Variants in TUBA1A observed in about 807,000 individuals in gnomAD.
The protein encoded by TUBA1A is tubulin alpha-1A chain.
A neutral mutation model predicts 34.6 loss-of-function variants in TUBA1A; 7 were observed. The ratio of observed to expected loss-of-function variants is 0.20; its 90% CI spans 0.11 to 0.38. The LOEUF (loss-of-function observed/expected upper bound fraction) is 0.38. Among genes scored for constraint, TUBA1A ranks in the 10% least tolerant of loss-of-function variants. The pLI is 1.00. For missense variants in TUBA1A, 19 were observed against 581.3 expected, an observed-to-expected ratio of 0.03 and a Z score of 9.95; for synonymous variants, 193 against 210.2, an observed-to-expected ratio of 0.92 and a Z score of 0.71.
rs1322530615 is a variant in TUBA1A, at chr12:49,185,607, T to C, written c.759A>G (p.Thr253=). 2 of 1,614,100 alleles carry C rather than the reference T, an allele frequency of 1.2e-6. No individual in the cohort carries two copies. The highest frequency in any genetic ancestry group is 1.1e-5 in the South Asian group (1 of 91,082). ...AGGGCACCAGGTTGGTCTGGAATTC[T>C]GTCAGGTCAACATTCAGGGCTCCAT... ...RFDGALNVDL[T]EFQTNLVPYP... Residue 253 remains threonine (T), a synonymous_variant, in exon 4 of 4, where the codon ACA becomes ACG. Transcript: ENST00000301071.
rs1046197606 is a variant in TUBA1A at position 49,188,008 on chromosome 12, C to CCAGA, written c.3+965_3+968dup. The CCAGA allele has an allele frequency of 1.8e-5, 17 of 970,878 alleles. No individual in the cohort carries two copies. Among genetic ancestry groups the CCAGA allele is most frequent in the Admixed American group, 1.3e-4 (2 of 15,152 alleles). 60.1% of individuals were successfully genotyped at this position (970,878 alleles called of 1,614,324 possible). Reference sequence around the variant, plus strand: ...CTTTCTCCCTCGCTGAACGTGCAGTCCAGACAGACAGACAGACACACACAC... The same window carrying CCAGA: ...CTTTCTCCCTCGCTGAACGTGCAGTCCAGACAGACAGACAGACAGACACACACAC... On this transcript the variant is annotated intron_variant, in intron 1 of 3. Transcript: ENST00000301071. This position sits in a 1 kb window ranked among gnomAD's most constrained non-coding sequence, Gnocchi z 4.9.
chr12:49,187,292 C>T, intron 1 of TUBA1A: 1 of 1,074,958 alleles, frequency 9.3e-7, no homozygotes, highest in Non-Finnish European at 1.1e-6. Flanking sequence ...CCACACCCTT[C>T]TGCAGTCTGT....
Position 49,186,969 on chromosome 12 carries a change from AC to A in TUBA1A, c.4-137del, listed in dbSNP as rs34741313. ...TTTGAGGTCATATCCCCAGCACGAT[AC>A]AAAGATTAAGGAAAATCACCTGCTA... On this transcript the variant is annotated intron_variant, in intron 1 of 3. Coordinates refer to ENST00000301071, the MANE Select transcript of TUBA1A (RefSeq NM_006009.4). The surrounding 1 kb of genome is among the most constrained non-coding windows in gnomAD (Gnocchi z 6.6). 520,654 of 1,507,290 alleles carry A rather than the reference AC, an allele frequency of 0.35. 95,019 individuals are homozygous for A. Among genetic ancestry groups the A allele is most frequent in the East Asian group, 0.71 (28,986 of 40,666 alleles). 93.4% of individuals were successfully genotyped at this position (1,507,290 alleles called of 1,614,324 possible).
In TUBA1A at chr12:49,188,803, C is replaced by T. The variant is rs1464685773; in HGVS notation, c.3+174G>A. On this transcript the variant is annotated intron_variant, in intron 1 of 3. Transcript: ENST00000301071. This position sits in a 1 kb window ranked among gnomAD's most constrained non-coding sequence, Gnocchi z 4.9. ...GCAGTACTGGCCCGGTTCCTGCACC[C>T]GCACTGCGGCGGCGGCGGGGCTTGA... 6.3e-7 allele frequency: 1 copy of T among 1,594,200 alleles called. No homozygotes were observed. Among genetic ancestry groups the T allele is most frequent in the African/African-American group, 1.3e-5 (1 of 74,652 alleles).
chr12:49,189,000 C>A lies in TUBA1A; in HGVS notation c.-21G>T, dbSNP rs777015483. The stretch of plus-strand genomic sequence containing the variant: ...ACCATGGTTGCTGCTTCGCGACTGC[C>A]GAGCTGATGGCGGAGACGAAGAGGA... On this transcript the variant is annotated 5_prime_UTR_variant, in exon 1 of 4. Coordinates refer to ENST00000301071, the MANE Select transcript of TUBA1A (RefSeq NM_006009.4). The surrounding 1 kb of genome is among the most constrained non-coding windows in gnomAD (Gnocchi z 4.9). The A allele has an allele frequency of 1.2e-6, 2 of 1,614,222 alleles. No individual in the cohort carries two copies. Among genetic ancestry groups the A allele is most frequent in the Non-Finnish European group, 1.7e-6 (2 of 1,180,028 alleles).
In TUBA1A at chr12:49,185,343, G is replaced by A. The variant is rs1183553922; in HGVS notation, c.1023C>T (p.Ile341=). The part of the protein sequence containing the change: ...AIATIKTKRT[I]QFVDWCPTGF... ...CAGTGGGGCACCAATCCACAAACTG[G>A]ATGGTACGCTTGGTCTTGATGGTGG... The change falls in exon 4 of 4, where the codon ATC becomes ATT. Residue 341 remains isoleucine (I), a synonymous_variant. Coordinates refer to ENST00000301071, the MANE Select transcript of TUBA1A (RefSeq NM_006009.4). 2 of 1,614,108 alleles carry A rather than the reference G, an allele frequency of 1.2e-6. No individual in the cohort carries two copies. Among genetic ancestry groups the A allele is most frequent in the African/African-American group, 2.7e-5 (2 of 74,928 alleles).
rs779777418 is a variant in TUBA1A, at chr12:49,188,543, C to T, written c.3+434G>A. On this transcript the variant is annotated intron_variant, in intron 1 of 3. Coordinates refer to ENST00000301071, the MANE Select transcript of TUBA1A (RefSeq NM_006009.4). The surrounding 1 kb of genome is among the most constrained non-coding windows in gnomAD (Gnocchi z 4.9). ...CCCACGTCCCCCAGCTCGCCCAACG[C>T]CCCCGCTCTTTTTGGGTGCCTCCTC... The T allele has an allele frequency of 6.7e-7, 1 of 1,500,770 alleles. No homozygotes were observed. The highest frequency in any genetic ancestry group is 8.9e-7 in the Non-Finnish European group (1 of 1,125,874). The allele number at this position is 1,500,770 out of a possible 1,614,324, so 93.0% of individuals were successfully genotyped here.
At position 49,184,813 on chromosome 12, in the gene TUBA1A, T is replaced by C. The variant is rs906064492; in HGVS notation, c.*197A>G. 4.8e-6 allele frequency: 4 copies of C among 828,788 alleles called. No individual in the cohort carries two copies. The highest frequency in any genetic ancestry group is 7.6e-6 in the Non-Finnish European group (4 of 525,208). 51.3% of individuals were successfully genotyped at this position (828,788 alleles called of 1,614,324 possible). On this transcript the variant is annotated 3_prime_UTR_variant, in exon 4 of 4. Transcript: ENST00000301071. ...GACTGAATTCATTTAAGACAGGGAA[T>C]ACTTTATTCAAAACCCATCACAGAA... is the stretch of plus-strand genomic sequence containing the variant.
rs898270861 is a variant in TUBA1A at position 49,187,798 on chromosome 12, T to G, written c.4-965A>C. On this transcript the variant is annotated intron_variant, in intron 1 of 3. Coordinates refer to ENST00000301071, the MANE Select transcript of TUBA1A (RefSeq NM_006009.4). ...ACAAAATAGTATTTTCATCCTGAGA[T>G]TCTCTACCCATCACATAATATTCAT... 22 of 984,480 alleles carry G rather than the reference T, an allele frequency of 2.2e-5. No individual in the cohort carries two copies. In the African/African-American group the frequency reaches 3.3e-4, roughly 15 times the overall value. The allele number at this position is 984,480 out of a possible 1,614,324, so 61.0% of individuals were successfully genotyped here.
chr12:49,189,046 C>T lies in TUBA1A; in HGVS notation c.-67G>A. ...GAGGAGAGGTTGTTGCTTCTTACAG[C>T]GCGACTCTTAGGCGGTCGATGTAAG... is the stretch of plus-strand genomic sequence containing the variant. On this transcript the variant is annotated 5_prime_UTR_variant, in exon 1 of 4. Transcript: ENST00000301071. 6.2e-7 allele frequency: 1 copy of T among 1,607,820 alleles called. No individual in the cohort carries two copies.
intron 1 of TUBA1A, chr12:49,187,117 A>G: frequency 1.5e-6 from 2 of 1,307,132 alleles, no homozygotes; most frequent in Non-Finnish European, 1.9e-6. Flanking sequence ...TTTAAAAAGT[A>G]TTCAGTATTC....
At position 49,186,011 on chromosome 12, in the gene TUBA1A, A is replaced by G. The variant is rs1209376464; in HGVS notation, c.376-21T>C. On this transcript the variant is annotated intron_variant, in intron 3 of 3. Transcript: ENST00000301071. The surrounding 1 kb of genome is among the most constrained non-coding windows in gnomAD (Gnocchi z 6.6). The stretch of plus-strand genomic sequence containing the variant: ...TCGGCCTATAACAAAAGAGAGGAAC[A>G]GAGGAAAGGTTAAGTTTTTATTCTT... The G allele has an allele frequency of 6.2e-7, 1 of 1,614,126 alleles. No homozygotes were observed. The highest frequency in any genetic ancestry group is 1.1e-5 in the South Asian group (1 of 91,072).
rs1942215120 is a variant in TUBA1A, at chr12:49,188,719, T to C, written c.3+258A>G. 6.9e-7 allele frequency: 1 copy of C among 1,446,072 alleles called. No individual in the cohort carries two copies. Among genetic ancestry groups the C allele is most frequent in the Non-Finnish European group, 9.0e-7 (1 of 1,108,036 alleles). The allele number at this position is 1,446,072 out of a possible 1,614,324, so 89.6% of individuals were successfully genotyped here. The stretch of plus-strand genomic sequence containing the variant: ...CCGCGGCCCCCGAAAGTCTCTCGGA[T>C]AACACAGGCGCCTAGGCGCCGCCTT... On this transcript the variant is annotated intron_variant, in intron 1 of 3. Coordinates refer to ENST00000301071, the MANE Select transcript of TUBA1A (RefSeq NM_006009.4). The surrounding 1 kb of genome is among the most constrained non-coding windows in gnomAD (Gnocchi z 4.9).
At chr12:49,187,268 G>A in intron 1 of TUBA1A, 4 of 1,090,840 alleles carry the variant, frequency 3.7e-6, no homozygotes, top group Non-Finnish European at 3.4e-6. Context: ...CTGTACTGCA[G>A]CTGAGGCAAG....
chr12:49,186,924 A>G lies in TUBA1A; in HGVS notation c.4-91T>C, dbSNP rs533000118. ...ATTTCAAAAATATTTCTAATAATAT[A>G]CAGATATTTTTCTAAATTATTTGAG... On this transcript the variant is annotated intron_variant, in intron 1 of 3. Transcript: ENST00000301071. This position sits in a 1 kb window ranked among gnomAD's most constrained non-coding sequence, Gnocchi z 6.6. The G allele has an allele frequency of 2.2e-5, 34 of 1,546,032 alleles. No individual in the cohort carries two copies. The highest frequency in any genetic ancestry group is 4.9e-5 in the East Asian group (2 of 40,862).
chr12:49,188,681 GCAGACGGGCTGCCCGCGGCCCCCGA>G lies in TUBA1A; in HGVS notation c.3+271_3+295del. ...GGACGCCCCAGACCCCTCGGTCGCGGCAGACGGGCTGCCCGCGGCCCCCGAAAGTCTCTCGGATAACACAGGCGCC... is the reference window on the plus strand; with the variant it reads ...GGACGCCCCAGACCCCTCGGTCGCGGAAGTCTCTCGGATAACACAGGCGCC... On this transcript the variant is annotated intron_variant, in intron 1 of 3. Coordinates refer to ENST00000301071, the MANE Select transcript of TUBA1A (RefSeq NM_006009.4). This position sits in a 1 kb window ranked among gnomAD's most constrained non-coding sequence, Gnocchi z 4.9. 1 of 1,437,500 alleles carries G rather than the reference GCAGACGGGCTGCCCGCGGCCCCCGA, an allele frequency of 7.0e-7. No homozygotes were observed. Among genetic ancestry groups the G allele is most frequent in the Non-Finnish European group, 9.1e-7 (1 of 1,102,824 alleles). The allele number at this position is 1,437,500 out of a possible 1,614,324, so 89.0% of individuals were successfully genotyped here.
Position 49,186,497 on chromosome 12 carries a change from A to C in TUBA1A, c.227-39T>G. 1.2e-6 allele frequency: 2 copies of C among 1,600,308 alleles called. No homozygotes were observed. Among genetic ancestry groups the C allele is most frequent in the Non-Finnish European group, 1.7e-6 (2 of 1,171,032 alleles). ...TGGGGGAGGAGCAGGGGGGAGGAGG[A>C]GGAGGGACGAGGAGCGGGGAGGGAG... On this transcript the variant is annotated intron_variant, in intron 2 of 3. Transcript: ENST00000301071. This position sits in a 1 kb window ranked among gnomAD's most constrained non-coding sequence, Gnocchi z 6.6.
In TUBA1A at chr12:49,186,580, G is replaced by A. The variant is rs1426550045; in HGVS notation, c.226+31C>T. The A allele has an allele frequency of 1.9e-6, 3 of 1,612,742 alleles. No homozygotes were observed. Among genetic ancestry groups the A allele is most frequent in the Admixed American group, 3.3e-5 (2 of 59,984 alleles). On this transcript the variant is annotated intron_variant, in intron 2 of 3. Coordinates refer to ENST00000301071, the MANE Select transcript of TUBA1A (RefSeq NM_006009.4). The surrounding 1 kb of genome is among the most constrained non-coding windows in gnomAD (Gnocchi z 6.6). ...CAGACCTCCTGTCCCAGCACCCTGG[G>A]ATCTCACTTGGGTTACTGAGGTCAA...
In TUBA1A at chr12:49,185,930, C is replaced by T; in HGVS notation, c.436G>A (p.Gly146Ser). ...LVFHSFGGGT[G>S]SGFTSLLMER... is the part of the protein sequence containing the mutation. ...ATGAGCAGCGAGGTGAACCCAGAAC[C>T]AGTTCCCCCACCAAAGCTGTGGAAA... The change falls in exon 4 of 4, where the codon GGT (glycine) becomes AGT (serine). Residue 146 changes from glycine to serine, a missense_variant. This residue lies in a region of TUBA1A where 14 missense variants were observed against 565.0 expected (regional missense o/e 0.02). Coordinates refer to ENST00000301071, the MANE Select transcript of TUBA1A (RefSeq NM_006009.4). The T allele has an allele frequency of 6.2e-7, 1 of 1,614,112 alleles. No homozygotes were observed. Among genetic ancestry groups the T allele is most frequent in the Non-Finnish European group, 8.5e-7 (1 of 1,180,014 alleles).
Sources: gnomAD v4.1 joint callset for allele counts on GRCh38, gnomAD v4.1.1 for gene constraint, gnomAD v4.1.1 regional missense constraint, Gnocchi (gnomAD v3.1) non-coding constraint, MANE v1.5 for transcripts, NCBI Gene and HGNC (gene_info 2026-07-23, HGNC 2026-07-21) for gene names.